Variants in TTLL7 observed in about 807,000 individuals in gnomAD.
TTLL7 encodes tubulin polyglutamylase TTLL7.
TTLL7 carries 53 observed loss-of-function variants against 120.2 expected under a neutral mutation model. The ratio of observed to expected loss-of-function variants is 0.44; its 90% CI spans 0.35 to 0.55. The LOEUF (loss-of-function observed/expected upper bound fraction) is 0.55, where lower values mean the gene tolerates loss of function less well. Among genes scored for constraint, TTLL7 ranks in the 20% least tolerant of loss-of-function variants. The pLI, the probability that TTLL7 is intolerant of heterozygous loss-of-function variation, is 0.00. For synonymous variants in TTLL7, 353 were observed against 351.7 expected (o/e 1.00, Z -0.04); for missense variants, 803 against 1,054.7 (o/e 0.76, Z 3.31).
intron 20 of TTLL7, chr1:83,880,221 A>G (rs1246692888): frequency 6.6e-6 from 1 of 152,028 alleles, no homozygotes; most frequent in East Asian, 1.9e-4. Flanking sequence ...ACTGTAGAAT[A>G]TAACTTTGAT....
intron 4 of TTLL7, 140 bp from the exon 5 acceptor site, chr1:83,948,835 T>A: frequency 5.3e-6 from 3 of 560,808 alleles, no homozygotes; most frequent in Non-Finnish European, 9.2e-6. Context: ...TAATGTTAAA[T>A]GACCTACAGT....
At chr1:83,925,844 G>T (rs1451589591) in intron 10 of TTLL7, among the ~76,000 whole-genome samples, 1 of 152,046 alleles carries the variant, frequency 6.6e-6, no homozygotes, top group Non-Finnish European at 1.5e-5. Context: ...CCAGTAGGCT[G>T]GGCACAGTGG....
intron 15 of TTLL7, among the ~76,000 whole-genome samples, chr1:83,909,269 C>CTTTTTTTTTT (rs71582911): frequency 1.0e-5 from 1 of 99,296 alleles, no homozygotes; most frequent in Non-Finnish European, 1.9e-5. Flanking sequence ...TTTTTTTTTC[C>CTTTTTTTTTT]TTTTTTTTTT....
At chr1:83,975,944 T>C (rs1340946570) in intron 1 of TTLL7, among the ~76,000 whole-genome samples, 1 of 151,910 alleles carries the variant, frequency 6.6e-6, no homozygotes, top group African/African-American at 2.4e-5. Context: ...TAGAATAGAA[T>C]ACATGAGAAT....
At position 83,919,680 on chromosome 1, in the gene TTLL7, T is replaced by A. The variant is rs1374719479; in HGVS notation, c.1500+19A>T. On this transcript the variant is annotated intron_variant, in intron 13 of 20. Transcript: ENST00000260505. Reference sequence around the variant, plus strand: ...TTAGCTTTATTCTTTTTTCTCTATATAAACATTCATTCTCTTACCTTCATC... The same window carrying A: ...TTAGCTTTATTCTTTTTTCTCTATAAAAACATTCATTCTCTTACCTTCATC... The A allele has an allele frequency of 1.2e-6, 2 of 1,600,576 alleles. No homozygotes were observed. The highest frequency in any genetic ancestry group is 2.7e-5 in the African/African-American group (2 of 74,198).
intron 18 of TTLL7, among the ~76,000 whole-genome samples, chr1:83,900,824 C>A (rs893063643): frequency 5.3e-5 from 8 of 152,020 alleles, no homozygotes; most frequent in African/African-American, 1.9e-4. Flanking sequence ...AATGTACTAT[C>A]TTTCTGTCTA....
intron 19 of TTLL7, among the ~76,000 whole-genome samples, chr1:83,884,140 G>A (rs987069287): frequency 4.0e-5 from 6 of 149,970 alleles, no homozygotes; most frequent in African/African-American, 7.3e-5. Flanking sequence ...GAGGGAGGGA[G>A]AGAGAGAGAG....
At chr1:83,892,473 AACATATGAATGAACATATAT>A (rs1655675867) in intron 18 of TTLL7, among the ~76,000 whole-genome samples, 1 of 132,888 alleles carries the variant, frequency 7.5e-6, no homozygotes, top group African/African-American at 2.7e-5. Context: ...CATATATATG[AACATATGAATGAACATATAT>A]ATGAACATAT....
intron 1 of TTLL7, chr1:83,980,592 A>G (rs1651865533): frequency 6.6e-6 from 1 of 152,196 alleles, no homozygotes. Context: ...ACAAAGGAAA[A>G]CTAAGAAAAT....
chr1:83,919,590 A>G, intron 13 of TTLL7, 109 bp downstream of exon 13: 1 of 1,004,120 alleles, frequency 1.0e-6, no homozygotes, highest in Non-Finnish European at 1.4e-6. Flanking sequence ...TGGGGAAAGC[A>G]TATCTTAAAA....
intron 1 of TTLL7, among the ~76,000 whole-genome samples, chr1:83,988,743 C>A (rs1388597933): frequency 6.6e-6 from 1 of 151,790 alleles, no homozygotes; most frequent in Non-Finnish European, 1.5e-5. Flanking sequence ...GGAGTCTCGC[C>A]CTGTCTCCAA....
chr1:83,898,873 A>G (rs1469012557), intron 18 of TTLL7, among the ~76,000 whole-genome samples: 1 of 151,896 alleles, frequency 6.6e-6, no homozygotes. Context: ...TTCTAATGCT[A>G]CTTACTAAGT....
chr1:83,953,484 T>C (rs1251387499), intron 1 of TTLL7, among the ~76,000 whole-genome samples: 3 of 152,142 alleles, frequency 2.0e-5, no homozygotes, highest in Non-Finnish European at 4.4e-5. Context: ...TTATTAATGT[T>C]TCAATATTAA....
In TTLL7 at chr1:83,888,209, A is replaced by G. The variant is rs371475633; in HGVS notation, c.2369+2112T>C. Among the ~76,000 whole-genome samples the G allele has an allele frequency of 4.3e-4, 65 of 152,138 alleles. 1 individual carries two copies. In the South Asian group the frequency reaches 0.013, roughly 30 times the overall value. ...CTCTCCATGGTAGAGAGTATCTGGG[A>G]TTCATATATAGCATCAAGCCAATGG... On this transcript the variant is annotated intron_variant, in intron 19 of 20. Transcript: ENST00000260505.
At chr1:83,980,433 A>T (rs1258869329) in intron 1 of TTLL7, 1 of 151,320 alleles carries the variant, frequency 6.6e-6, no homozygotes, top group Admixed American at 6.6e-5. Flanking sequence ...GGCCTGGCTA[A>T]TTTTTAATTT....
In TTLL7 at chr1:83,906,842, C is replaced by T. The variant is rs139844447; in HGVS notation, c.1993-379G>A. 3.8e-4 allele frequency among the ~76,000 whole-genome samples: 58 copies of T among 152,132 alleles called. No individual in the cohort carries two copies. The East Asian group carries it at 9.3e-3, about 24-fold the overall frequency. On this transcript the variant is annotated intron_variant, in intron 16 of 20. Transcript: ENST00000260505. ...ATATTTCCTGACTTCCCTTTGGAAA[C>T]ATGATCCATATTAAATAAACAAATT...
At chr1:83,889,954 T>C (rs1266743482) in intron 19 of TTLL7, 1 of 462,572 alleles carries the variant, frequency 2.2e-6, no homozygotes. Flanking sequence ...TTTAGATATC[T>C]TGAGGCTAAA....
In TTLL7 at chr1:83,937,984, G is replaced by T. The variant is rs150247543; in HGVS notation, c.756C>A (p.Ser252=). 2 of 1,613,944 alleles carry T rather than the reference G, an allele frequency of 1.2e-6. No individual in the cohort carries two copies. Among genetic ancestry groups the T allele is most frequent in the South Asian group, 2.2e-5 (2 of 91,078 alleles). ...CAAAATGCTCATTATGCTTGTTCAC[G>T]GAGTAGTTTGTCAGATGCATGTATA... The part of the protein sequence containing the change: ...TQLYMHLTNY[S]VNKHNEHFER... The change falls in exon 8 of 21, where the codon TCC becomes TCA. Residue 252 remains serine, a synonymous_variant. Transcript: ENST00000260505.
chr1:83,974,059 A>G (rs1651240438), intron 1 of TTLL7, among the ~76,000 whole-genome samples: 1 of 152,020 alleles, frequency 6.6e-6, no homozygotes, highest in Non-Finnish European at 1.5e-5. Flanking sequence ...TAACTCATTT[A>G]CATTTAAGAG....
Sources: gnomAD v4.1 joint callset for allele counts (sites outside exome capture counted in the v4.1 genomes callset) on GRCh38, gnomAD v4.1.1 for gene constraint, MANE v1.5 for transcripts, NCBI Gene and HGNC (gene_info 2026-07-23, HGNC 2026-07-21) for gene names.